The following IGF1R variants were observed in gnomAD, a reference collection of about 807,000 sequenced individuals.
IGF1R encodes the protein insulin like growth factor 1 receptor, also known as insulin-like growth factor 1 receptor.
A neutral mutation model predicts 144.6 loss-of-function variants in IGF1R; 44 were observed. The observed-to-expected ratio is 0.30, with a 90% CI of 0.24 to 0.39. The LOEUF is 0.39. Among genes scored for constraint, IGF1R ranks in the 10% least tolerant of loss-of-function variants. The pLI is 1.00. For missense variants in IGF1R, 1,355 were observed against 1,833.7 expected (o/e 0.74, Z 4.77); for synonymous variants, 795 against 722.8 (o/e 1.10, Z -1.60).
intron 2 of IGF1R, among the ~76,000 whole-genome samples, chr15:98,852,238 G>A (rs2011557793): frequency 6.6e-6 from 1 of 152,056 alleles, no homozygotes; most frequent in South Asian, 2.1e-4. Context: ...CGCTCCGCCG[G>A]CTGTGGTGTG....
chr15:98,857,813 T>A (rs2011915668), intron 2 of IGF1R, among the ~76,000 whole-genome samples: 1 of 152,230 alleles, frequency 6.6e-6, no homozygotes. Flanking sequence ...AATTCTTTCC[T>A]CTTAAAAATA....
At chr15:98,791,757 G>A (rs2056132036) in intron 2 of IGF1R, among the ~76,000 whole-genome samples, 2 of 152,358 alleles carry the variant, frequency 1.3e-5, no homozygotes, top group South Asian at 4.1e-4. Context: ...ATGTGACGTA[G>A]CTAATGCATA....
At chr15:98,881,181 C>T (rs2013353456) in intron 2 of IGF1R, among the ~76,000 whole-genome samples, 1 of 152,194 alleles carries the variant, frequency 6.6e-6, no homozygotes, top group Non-Finnish European at 1.5e-5. Flanking sequence ...TTTTGTCCTT[C>T]AGTCTAAGTG....
rs138271461 is a variant in IGF1R at position 98,791,812 on chromosome 15, G to A, written c.640+83705G>A. 2.9e-3 allele frequency among the ~76,000 whole-genome samples: 441 copies of A among 152,322 alleles called. 1 individual carries two copies. The highest frequency in any genetic ancestry group is 0.01 in the African/African-American group (425 of 41,574). On this transcript the variant is annotated intron_variant, in intron 2 of 20. Coordinates refer to ENST00000650285, the MANE Select transcript of IGF1R (RefSeq NM_000875.5). ...GGCAATTCTGTACAAATGGAAGGTAGCATGTTTAACGTTCCTGTTATTTCA... is the reference window on the plus strand; with the variant it reads ...GGCAATTCTGTACAAATGGAAGGTAACATGTTTAACGTTCCTGTTATTTCA...
chr15:98,949,989 C>G (rs1034395698), intron 20 of IGF1R, among the ~76,000 whole-genome samples: 2 of 152,188 alleles, frequency 1.3e-5, no homozygotes, highest in African/African-American at 4.8e-5. Context: ...TTGCTTTTGA[C>G]ATGCACTTTA....
intron 2 of IGF1R, among the ~76,000 whole-genome samples, chr15:98,775,980 G>T (rs1367375288): frequency 6.6e-6 from 1 of 152,170 alleles, no homozygotes; most frequent in Non-Finnish European, 1.5e-5. Context: ...ACAGTGCCTA[G>T]TATTTGCCAA....
intron 2 of IGF1R, among the ~76,000 whole-genome samples, chr15:98,881,333 A>G (rs977544166): frequency 2.6e-5 from 4 of 151,858 alleles, no homozygotes; most frequent in Admixed American, 2.6e-4. Flanking sequence ...TTATTTATTT[A>G]TTTTTGAGAT....
At chr15:98,822,907 G>C (rs558916351) in intron 2 of IGF1R, among the ~76,000 whole-genome samples, 5 of 152,182 alleles carry the variant, frequency 3.3e-5, no homozygotes, top group Admixed American at 2.0e-4. Context: ...TCTTAGAAGC[G>C]TGAATGATTT....
At chr15:98,762,967 A>G (rs1462182167) in intron 2 of IGF1R, among the ~76,000 whole-genome samples, 1 of 150,608 alleles carries the variant, frequency 6.6e-6, no homozygotes, top group African/African-American at 2.5e-5. Context: ...AATTGCTTGA[A>G]CCTGGGAGGC....
Position 98,891,265 on chromosome 15 carries a change from C to G in IGF1R, c.641-60C>G. On this transcript the variant is annotated intron_variant, in intron 2 of 20. Coordinates refer to ENST00000650285, the MANE Select transcript of IGF1R (RefSeq NM_000875.5). This position sits in a 1 kb window ranked among gnomAD's most constrained non-coding sequence, Gnocchi z 4.7. Reference sequence around the variant, plus strand: ...TGACCCAGAAGGATGCTGGCCAGGCCCAGAGAAGGCGGTGCCTCCCCTGCC... The same window carrying G: ...TGACCCAGAAGGATGCTGGCCAGGCGCAGAGAAGGCGGTGCCTCCCCTGCC... The G allele has an allele frequency of 1.3e-6, 2 of 1,519,932 alleles. No homozygotes were observed. The highest frequency in any genetic ancestry group is 1.4e-5 in the African/African-American group (1 of 73,120). The allele number at this position is 1,519,932 out of a possible 1,614,324, so 94.2% of individuals were successfully genotyped here.
At chr15:98,759,756 T>G (rs2055246520) in intron 2 of IGF1R, among the ~76,000 whole-genome samples, 1 of 152,222 alleles carries the variant, frequency 6.6e-6, no homozygotes, top group Non-Finnish European at 1.5e-5. Flanking sequence ...TGGCTTAAGA[T>G]ATCTATGTGT....
At chr15:98,847,718 T>C (rs2011387639) in intron 2 of IGF1R, among the ~76,000 whole-genome samples, 1 of 152,252 alleles carries the variant, frequency 6.6e-6, no homozygotes, top group Non-Finnish European at 1.5e-5. Context: ...ATCTACATTA[T>C]GTGGGAATGT....
At chr15:98,788,060 C>CTGTGTGTGTGTG (rs1275022774) in intron 2 of IGF1R, among the ~76,000 whole-genome samples, 6 of 130,628 alleles carry the variant, frequency 4.6e-5, no homozygotes, top group African/African-American at 1.5e-4. Context: ...CTCTCTCTCT[C>CTGTGTGTGTGTG]TCTGTGTGTG....
rs2151691266 is a variant in IGF1R, at chr15:98,922,435, T to C, written c.2485+4T>C. The C allele has an allele frequency of 1.2e-6, 2 of 1,608,316 alleles. No individual in the cohort carries two copies. Among genetic ancestry groups the C allele is most frequent in the Non-Finnish European group, 8.5e-7 (1 of 1,180,002 alleles). ...TTTGCAAGGACTATGCCCGCAGGTA[T>C]GGTATGATCCAGCTGGCCCCATTGC... On this transcript the variant is annotated splice_donor_region_variant and intron_variant, in intron 11 of 20. Transcript: ENST00000650285.
intron 2 of IGF1R, among the ~76,000 whole-genome samples, chr15:98,753,189 C>CCAAAGTGCT (rs1407778700): frequency 6.6e-6 from 1 of 151,600 alleles, no homozygotes; most frequent in Non-Finnish European, 1.5e-5. Flanking sequence ...CCTCGGCCTC[C>CCAAAGTGCT]CAAAGTGCTG....
rs577005632 is a variant in IGF1R at position 98,934,473 on chromosome 15, T to G, written c.2957-351T>G. On this transcript the variant is annotated intron_variant, in intron 15 of 20. Transcript: ENST00000650285. ...CAGTTTCTCAATCCCCTGTGGTTAA[T>G]TTGTTTTTTTCAAAAATGTGTTTTT... Among the ~76,000 whole-genome samples, 4 of 152,366 alleles carry G rather than the reference T, an allele frequency of 2.6e-5. No homozygotes were observed. In the South Asian group the frequency reaches 8.3e-4, roughly 32 times the overall value.
At chr15:98,833,535 T>G (rs577222512) in intron 2 of IGF1R, among the ~76,000 whole-genome samples, 17 of 152,342 alleles carry the variant, frequency 1.1e-4, no homozygotes, top group African/African-American at 4.1e-4. Context: ...AATGGCCCAT[T>G]GATAGTTGTA....
At chr15:98,714,027 A>G (rs1203672652) in intron 2 of IGF1R, among the ~76,000 whole-genome samples, 5 of 152,144 alleles carry the variant, frequency 3.3e-5, no homozygotes, top group South Asian at 2.1e-4. Flanking sequence ...TGCATTTCCT[A>G]TTGCCCTCAA....
intron 2 of IGF1R, among the ~76,000 whole-genome samples, chr15:98,889,201 G>C (rs2013788663): frequency 6.6e-6 from 1 of 152,242 alleles, no homozygotes; most frequent in Admixed American, 6.5e-5. Flanking sequence ...TGTTGTTTCT[G>C]TCAAAGGATG....
Sources: allele counts gnomAD v4.1 joint callset (sites outside exome capture counted in the v4.1 genomes callset), GRCh38; gene constraint gnomAD v4.1.1; non-coding constraint Gnocchi (gnomAD v3.1); transcripts MANE v1.5; gene names NCBI Gene and HGNC (gene_info 2026-07-23, HGNC 2026-07-21).